The following GSK3B variants were observed in gnomAD, a reference collection of about 807,000 sequenced individuals.
GSK3B encodes the protein glycogen synthase kinase 3 beta.
In GSK3B, 15 loss-of-function variants were observed where a neutral mutation model predicts 56.4. The observed-to-expected ratio is 0.27, with a 90% CI of 0.18 to 0.41. GSK3B has a LOEUF of 0.41. Among genes scored for constraint, GSK3B ranks in the 10% least tolerant of loss-of-function variants. The pLI is 1.00. For missense variants in GSK3B, 300 were observed against 513.4 expected, an observed-to-expected ratio of 0.58 and a Z score of 4.02; for synonymous variants, 181 against 188.9, an observed-to-expected ratio of 0.96 and a Z score of 0.34.
intron 1 of GSK3B, among the ~76,000 whole-genome samples, chr3:120,042,871 C>T (rs566402203): frequency 6.6e-6 from 1 of 152,210 alleles, no homozygotes; most frequent in Non-Finnish European, 1.5e-5. Flanking sequence ...GACCAAATGT[C>T]TTCCAATTGC....
intron 10 of GSK3B, among the ~76,000 whole-genome samples, chr3:119,827,580 G>C (rs112085409): frequency 3.6e-5 from 3 of 83,418 alleles, no homozygotes; most frequent in Non-Finnish European, 6.7e-5. Context: ...GTAAGATACC[G>C]TCTTTAAAAA....
intron 1 of GSK3B, among the ~76,000 whole-genome samples, chr3:120,004,621 C>A (rs1277750354): frequency 2.0e-5 from 3 of 152,044 alleles, no homozygotes; most frequent in South Asian, 2.1e-4. Flanking sequence ...CTGGTGATAC[C>A]CAGGCAAACA....
chr3:120,020,571 C>A lies in GSK3B; in HGVS notation c.89-18332G>T, dbSNP rs72969159. On this transcript the variant is annotated intron_variant, in intron 1 of 10. Transcript: ENST00000264235. ...CTTAATAGATTAATATTGTGTATGCCCTGACTGCTCCACCAATCAGTTGTT... is the reference window on the plus strand; with the variant it reads ...CTTAATAGATTAATATTGTGTATGCACTGACTGCTCCACCAATCAGTTGTT... Among the ~76,000 whole-genome samples, 1,096 of 152,100 alleles carry A rather than the reference C, an allele frequency of 7.2e-3. 9 individuals carry two copies. The highest frequency in any genetic ancestry group is 0.025 in the African/African-American group (1,036 of 41,480).
chr3:119,826,901 C>A (rs200543664), intron 10 of GSK3B, 46 bp from the exon 11 acceptor site: 59 of 1,183,398 alleles, frequency 5.0e-5, no homozygotes, highest in Non-Finnish European at 6.6e-5. Context: ...AATGCTATAA[C>A]AACAAAAGAG....
At chr3:119,985,668 C>T (rs1203661159) in intron 2 of GSK3B, among the ~76,000 whole-genome samples, 1 of 152,126 alleles carries the variant, frequency 6.6e-6, no homozygotes, top group Non-Finnish European at 1.5e-5. Flanking sequence ...CAAACCACTG[C>T]TCAACGAAAT....
intron 10 of GSK3B, among the ~76,000 whole-genome samples, chr3:119,831,637 A>ACAGAG (rs1559800008): frequency 6.6e-6 from 1 of 151,732 alleles, no homozygotes; most frequent in African/African-American, 2.4e-5. Flanking sequence ...AGCCTGGGCA[A>ACAGAG]CAGAGCGAGA....
chr3:119,862,539 A>AG (rs973234303), intron 9 of GSK3B, among the ~76,000 whole-genome samples: 10 of 149,248 alleles, frequency 6.7e-5, no homozygotes, highest in South Asian at 2.1e-4. Context: ...AAAAAAAAAA[A>AG]AAAAGAAAGA....
At chr3:119,986,795 A>G (rs540876778) in intron 2 of GSK3B, among the ~76,000 whole-genome samples, 9 of 152,314 alleles carry the variant, frequency 5.9e-5, no homozygotes, top group Admixed American at 3.3e-4. Context: ...AGGATCTAGA[A>G]CTAGAATTAC....
At chr3:119,841,578 TA>T (rs2055772672) in intron 10 of GSK3B, among the ~76,000 whole-genome samples, 1 of 152,184 alleles carries the variant, frequency 6.6e-6, no homozygotes. Context: ...CTTTTTACCT[TA>T]AAAATTTTAA....
intron 10 of GSK3B, among the ~76,000 whole-genome samples, chr3:119,833,690 G>GTTTTTTTT: frequency 1.3e-5 from 1 of 75,784 alleles, no homozygotes; most frequent in South Asian, 4.8e-4. Context: ...ACATTAGGTT[G>GTTTTTTTT]TTTTTTTTTT....
chr3:120,038,594 C>T (rs919611213), intron 1 of GSK3B, among the ~76,000 whole-genome samples: 1 of 152,112 alleles, frequency 6.6e-6, no homozygotes, highest in Non-Finnish European at 1.5e-5. Flanking sequence ...AAAAATGGTA[C>T]TAGAATAAGC....
intron 2 of GSK3B, among the ~76,000 whole-genome samples, chr3:119,985,787 C>T (rs1265034154): frequency 6.6e-6 from 1 of 152,146 alleles, no homozygotes; most frequent in East Asian, 1.9e-4. Context: ...TCAATGTCAT[C>T]CCCATGAAGC....
At chr3:119,913,816 T>C (rs1018935128) in intron 5 of GSK3B, among the ~76,000 whole-genome samples, 2 of 152,102 alleles carry the variant, frequency 1.3e-5, no homozygotes, top group Admixed American at 6.6e-5. Flanking sequence ...GTTTTGAAGT[T>C]TGTTTTTTAA....
At chr3:120,050,752 G>A (rs2058141994) in intron 1 of GSK3B, among the ~76,000 whole-genome samples, 1 of 152,210 alleles carries the variant, frequency 6.6e-6, no homozygotes, top group African/African-American at 2.4e-5. Flanking sequence ...GAACATGTAG[G>A]TGGTAATTCC....
At chr3:120,026,232 T>C (rs2057921658) in intron 1 of GSK3B, among the ~76,000 whole-genome samples, 2 of 152,182 alleles carry the variant, frequency 1.3e-5, no homozygotes, top group African/African-American at 4.8e-5. Flanking sequence ...TCTTAAAACT[T>C]TCCCCAAATA....
At chr3:119,993,690 G>A (rs79376513) in intron 2 of GSK3B, among the ~76,000 whole-genome samples, 396 of 152,234 alleles carry the variant, frequency 2.6e-3, no homozygotes, top group African/African-American at 8.4e-3. Context: ...TACAAATATA[G>A]AAATAAAGAA....
chr3:119,917,881 A>T (rs982390938), intron 4 of GSK3B, among the ~76,000 whole-genome samples: 1 of 152,138 alleles, frequency 6.6e-6, no homozygotes, highest in Non-Finnish European at 1.5e-5. Flanking sequence ...GGCTTTCTAG[A>T]CTAGAATGAT....
At chr3:120,059,443 A>G (rs1193164166) in intron 1 of GSK3B, among the ~76,000 whole-genome samples, 1 of 152,244 alleles carries the variant, frequency 6.6e-6, no homozygotes, top group Middle Eastern at 3.2e-3. Context: ...ATTATCACTC[A>G]AGTCTAAAAG....
chr3:119,957,635 T>C (rs970649045), intron 2 of GSK3B, among the ~76,000 whole-genome samples: 3 of 152,338 alleles, frequency 2.0e-5, no homozygotes, highest in East Asian at 3.9e-4. Flanking sequence ...AAGAATTTAC[T>C]ATGAGCTGAC....
Sources: allele counts gnomAD v4.1 joint callset (sites outside exome capture counted in the v4.1 genomes callset), GRCh38; gene constraint gnomAD v4.1.1; transcripts MANE v1.5; gene names NCBI Gene and HGNC (gene_info 2026-07-23, HGNC 2026-07-21).